Variants in MYO16 observed in about 807,000 individuals in gnomAD.
The protein encoded by MYO16 is unconventional myosin-XVI.
A neutral mutation model predicts 205.3 loss-of-function variants in MYO16; 94 were observed. That is an observed-to-expected ratio of 0.46 (90% CI 0.39 to 0.54). The LOEUF (loss-of-function observed/expected upper bound fraction) is 0.54. Ranked by LOEUF, MYO16 falls within the 20% of genes least tolerant of loss-of-function variation. The pLI is 0.00. For synonymous variants in MYO16, 988 were observed against 954.0 expected (o/e 1.04, Z -0.66); for missense variants, 2,315 against 2,387.5 (o/e 0.97, Z 0.63).
chr13:108,665,266 ATTAT>A (rs914480541), intron 1 of MYO16, among the ~76,000 whole-genome samples: 13 of 151,822 alleles, frequency 8.6e-5, no homozygotes, highest in Admixed American at 2.6e-4. Context: ...AAGTTTATTT[ATTAT>A]TTATTTATTT....
chr13:108,840,317 G>A (rs925561753), intron 9 of MYO16, among the ~76,000 whole-genome samples: 2 of 151,982 alleles, frequency 1.3e-5, no homozygotes, highest in Non-Finnish European at 2.9e-5. Context: ...TGACCTATTT[G>A]GTAGTCTCTT....
At chr13:109,135,124 T>TC (rs1049114095) in intron 31 of MYO16, among the ~76,000 whole-genome samples, 5 of 151,916 alleles carry the variant, frequency 3.3e-5, no homozygotes, top group African/African-American at 1.2e-4. Context: ...AGTTGCCTGA[T>TC]CCCCCCACAC....
chr13:109,004,095 G>T (rs948273303), intron 21 of MYO16, among the ~76,000 whole-genome samples: 7 of 152,154 alleles, frequency 4.6e-5, no homozygotes, highest in African/African-American at 1.7e-4. Flanking sequence ...CTTATTTCAT[G>T]GATTCAACAT....
intron 2 of MYO16, among the ~76,000 whole-genome samples, chr13:108,695,197 T>C (rs1883043503): frequency 6.6e-6 from 1 of 152,226 alleles, no homozygotes; most frequent in African/African-American, 2.4e-5. Context: ...ATTAGTTTTA[T>C]ATATGTTGTG....
chr13:108,730,858 C>T (rs995388396), intron 4 of MYO16, among the ~76,000 whole-genome samples: 3 of 152,218 alleles, frequency 2.0e-5, no homozygotes, highest in African/African-American at 7.2e-5. Flanking sequence ...GACACTCCTT[C>T]TCTGTACTTT....
chr13:109,011,766 C>G (rs1347066437), intron 22 of MYO16, among the ~76,000 whole-genome samples: 3 of 152,060 alleles, frequency 2.0e-5, no homozygotes, highest in African/African-American at 7.2e-5. Flanking sequence ...GCCTGCCTCA[C>G]CTCCCAAAGT....
chr13:108,500,741 C>T, the MYO16 span, among the ~76,000 whole-genome samples: 1 of 152,200 alleles, frequency 6.6e-6, no homozygotes, highest in African/African-American at 2.4e-5. Context: ...AATTCATCTT[C>T]GTGCTCCAGT....
At chr13:108,586,348 A>T in the MYO16 span, among the ~76,000 whole-genome samples, 31 of 151,640 alleles carry the variant, frequency 2.0e-4, no homozygotes, top group Admixed American at 3.3e-4. Flanking sequence ...CTATTTTTTT[A>T]AAAAATATAT....
chr13:108,897,882 T>G, intron 14 of MYO16, 134 bp from the exon 15 acceptor site: 1 of 718,434 alleles, frequency 1.4e-6, no homozygotes, highest in Admixed American at 2.7e-5. Flanking sequence ...GTCTTAAAAA[T>G]TCAATATAGC....
chr13:108,714,594 G>GTGTGTC (rs1555341105), intron 3 of MYO16, among the ~76,000 whole-genome samples: 1 of 138,882 alleles, frequency 7.2e-6, no homozygotes, highest in Non-Finnish European at 1.5e-5. Flanking sequence ...GTGTGTGTCT[G>GTGTGTC]TGTGTGTGTG....
chr13:109,004,264 A>G (rs1329227321), intron 21 of MYO16, among the ~76,000 whole-genome samples: 4 of 152,184 alleles, frequency 2.6e-5, no homozygotes, highest in Non-Finnish European at 5.9e-5. Context: ...TTACAGTTGT[A>G]TATATCATAT....
intron 11 of MYO16, among the ~76,000 whole-genome samples, chr13:108,858,501 T>C (rs1001439430): frequency 6.6e-6 from 1 of 152,162 alleles, no homozygotes; most frequent in African/African-American, 2.4e-5. Flanking sequence ...GGTGAGACTG[T>C]TGATGCTGGT....
At chr13:108,717,040 G>T (rs559927465) in intron 3 of MYO16, among the ~76,000 whole-genome samples, 1 of 151,606 alleles carries the variant, frequency 6.6e-6, no homozygotes, top group South Asian at 2.1e-4. Context: ...GTCTCATGAG[G>T]CCAGTATAGA....
upstream of MYO16, among the ~76,000 whole-genome samples, chr13:108,626,416 A>G (rs1167865603): frequency 6.6e-6 from 1 of 152,208 alleles, no homozygotes; most frequent in Non-Finnish European, 1.5e-5. Context: ...TTTGTACTTA[A>G]TGACCATATT....
rs75775599 is a variant in MYO16 at position 108,812,800 on chromosome 13, A to C, written c.867+5996A>C. ...AAGGATTAATACGACTATAAAAAGA[A>C]ATTGCAGGAGTGTTTCTCTCTCCTG... On this transcript the variant is annotated intron_variant, in intron 7 of 34. Coordinates refer to ENST00000457511, the MANE Select transcript of MYO16 (RefSeq NM_001198950.3). 2.8e-3 allele frequency among the ~76,000 whole-genome samples: 426 copies of C among 152,248 alleles called. 2 individuals are homozygous for C. Among genetic ancestry groups the C allele is most frequent in the Non-Finnish European group, 4.1e-3 (280 of 68,022 alleles).
At chr13:108,522,315 A>G in the MYO16 span, among the ~76,000 whole-genome samples, 1 of 152,236 alleles carries the variant, frequency 6.6e-6, no homozygotes. Context: ...TTACTGAATA[A>G]TGAACAAATA....
At chr13:108,551,200 G>C in the MYO16 span, among the ~76,000 whole-genome samples, 1 of 152,074 alleles carries the variant, frequency 6.6e-6, no homozygotes, top group African/African-American at 2.4e-5. Context: ...TGTGCCGTTG[G>C]CTACATCTTT....
chr13:109,186,601 A>G (rs1053701962), intron 34 of MYO16, among the ~76,000 whole-genome samples: 6 of 151,650 alleles, frequency 4.0e-5, no homozygotes, highest in South Asian at 2.1e-4. Flanking sequence ...TGCCTCTATA[A>G]GCTTTTCAAC....
the MYO16 span, among the ~76,000 whole-genome samples, chr13:108,544,029 C>T: frequency 0.15 from 20,722 of 134,718 alleles, 1,841 homozygotes; most frequent in Non-Finnish European, 0.2. Context: ...CGCACCATTG[C>T]ACTCCAGTCT....
Sources: allele counts gnomAD v4.1 joint callset (sites outside exome capture counted in the v4.1 genomes callset), GRCh38; gene constraint gnomAD v4.1.1; transcripts MANE v1.5; gene names NCBI Gene and HGNC (gene_info 2026-07-23, HGNC 2026-07-21).